The following WASF3 variants were observed in gnomAD, a reference collection of about 807,000 sequenced individuals.
WASF3 encodes actin-binding protein WASF3.
A neutral mutation model predicts 46.6 loss-of-function variants in WASF3; 11 were observed. The observed-to-expected ratio is 0.24, with a 90% CI of 0.15 to 0.39. WASF3 has a LOEUF of 0.39. Ranked by LOEUF, WASF3 falls within the 10% of genes least tolerant of loss-of-function variation. The pLI is 1.00. For synonymous variants in WASF3, 242 were observed against 259.7 expected, an observed-to-expected ratio of 0.93 and a Z score of 0.65; for missense variants, 576 against 669.8, an observed-to-expected ratio of 0.86 and a Z score of 1.55.
chr13:26,566,654 C>T (rs1212755832), intron 1 of WASF3, among the ~76,000 whole-genome samples: 1 of 152,194 alleles, frequency 6.6e-6, no homozygotes, highest in Admixed American at 6.5e-5. Flanking sequence ...GAACTGGGAA[C>T]CTGCTTGGTT....
chr13:26,560,492 A>G (rs1471063153), intron 1 of WASF3, among the ~76,000 whole-genome samples: 1 of 152,186 alleles, frequency 6.6e-6, no homozygotes, highest in African/African-American at 2.4e-5. Flanking sequence ...GATGAAATAT[A>G]TAACCCTGTA....
intron 9 of WASF3, 72 bp downstream of exon 9, chr13:26,683,046 C>T (rs1053533157): frequency 5.2e-6 from 8 of 1,530,730 alleles, no homozygotes; most frequent in East Asian, 2.3e-5. Context: ...CCAGCTACAG[C>T]CTCCTTGTCT....
chr13:26,565,022 A>G (rs540724247), intron 1 of WASF3, among the ~76,000 whole-genome samples: 57 of 147,238 alleles, frequency 3.9e-4, no homozygotes, highest in African/African-American at 1.3e-3. Context: ...GTCTATCCTA[A>G]TGTTAGAATT....
At chr13:26,660,080 A>T (rs556480464) in intron 3 of WASF3, among the ~76,000 whole-genome samples, 1 of 152,178 alleles carries the variant, frequency 6.6e-6, no homozygotes. Flanking sequence ...AAGAGGTTGG[A>T]ATATTTAACA....
In WASF3 at chr13:26,679,622, G is replaced by A. The variant is rs1055879245; in HGVS notation, c.717-1432G>A. Among the ~76,000 whole-genome samples, 3 of 152,202 alleles carry A rather than the reference G, an allele frequency of 2.0e-5. No individual in the cohort carries two copies. Among genetic ancestry groups the A allele is most frequent in the Non-Finnish European group, 2.9e-5 (2 of 68,040 alleles). On this transcript the variant is annotated intron_variant, in intron 7 of 9. Coordinates refer to ENST00000335327, the MANE Select transcript of WASF3 (RefSeq NM_006646.6). The surrounding 1 kb of genome is among the most constrained non-coding windows in gnomAD (Gnocchi z 4.8). ...AGGTTGCACTGTAAGCCAGTGACTC[G>A]TAGTCATGCGCAGAGTCAAGCACAC...
At chr13:26,667,297 CA>C (rs967720441) in intron 4 of WASF3, among the ~76,000 whole-genome samples, 16 of 149,668 alleles carry the variant, frequency 1.1e-4, no homozygotes, top group African/African-American at 2.2e-4. Flanking sequence ...TAGATTACTA[CA>C]AAAAAAAAGC....
intron 3 of WASF3, among the ~76,000 whole-genome samples, chr13:26,657,542 A>C (rs150208723): frequency 5.1e-4 from 77 of 152,356 alleles, no homozygotes; most frequent in African/African-American, 1.8e-3. Flanking sequence ...TAAGACTTAC[A>C]AATAAAGCTA....
At position 26,685,957 on chromosome 13, in the gene WASF3, ATGTGATAT is replaced by A; in HGVS notation, c.*115_*122del. The A allele has an allele frequency of 7.2e-7, 1 of 1,396,436 alleles. No individual in the cohort carries two copies. The highest frequency in any genetic ancestry group is 9.5e-7 in the Non-Finnish European group (1 of 1,047,466). The allele number at this position is 1,396,436 out of a possible 1,614,324, so 86.5% of individuals were successfully genotyped here. A position where few individuals can be genotyped will look rare whatever the true frequency, so the allele number is the denominator to read the frequency against. ...TAGCATAGCACCTTTTGTATAAACA[ATGTGATAT>A]TGCTTCTGCACATCCAAAAATTCTG... On this transcript the variant is annotated 3_prime_UTR_variant, in exon 10 of 10. Coordinates refer to ENST00000335327, the MANE Select transcript of WASF3 (RefSeq NM_006646.6).
intron 3 of WASF3, among the ~76,000 whole-genome samples, chr13:26,650,486 G>T (rs1210752681): frequency 6.6e-6 from 1 of 152,200 alleles, no homozygotes; most frequent in East Asian, 1.9e-4. Context: ...TCAGATATGG[G>T]AGGAGTGTTG....
chr13:26,579,744 C>T (rs1309353601), intron 1 of WASF3, among the ~76,000 whole-genome samples: 1 of 152,002 alleles, frequency 6.6e-6, no homozygotes, highest in African/African-American at 2.4e-5. Context: ...CAGGAAATGG[C>T]GCTCCTGGTG....
chr13:26,578,194 A>T (rs960626486), intron 1 of WASF3, among the ~76,000 whole-genome samples: 11 of 152,280 alleles, frequency 7.2e-5, no homozygotes, highest in Admixed American at 7.2e-4. Flanking sequence ...ATAAGATTAG[A>T]TATTCCTCCC....
chr13:26,676,736 T>A lies in WASF3; in HGVS notation c.716+12T>A. 1.9e-6 allele frequency: 3 copies of A among 1,608,032 alleles called. No homozygotes were observed. The highest frequency in any genetic ancestry group is 2.5e-6 in the Non-Finnish European group (3 of 1,176,934). ...TCCCCAGATACTAGGTGTGTGTGTGTCACTGCTCCCTCAGCCCTGATGCTT... is the reference window on the plus strand; with the variant it reads ...TCCCCAGATACTAGGTGTGTGTGTGACACTGCTCCCTCAGCCCTGATGCTT... On this transcript the variant is annotated intron_variant, in intron 7 of 9. Transcript: ENST00000335327.
intron 3 of WASF3, among the ~76,000 whole-genome samples, chr13:26,658,706 C>T (rs749114450): frequency 2.6e-5 from 4 of 152,176 alleles, no homozygotes; most frequent in Non-Finnish European, 5.9e-5. Flanking sequence ...ACAAGCAGTG[C>T]AGAGGTGAAA....
chr13:26,596,810 T>G (rs1157061687), intron 1 of WASF3, among the ~76,000 whole-genome samples: 3 of 152,218 alleles, frequency 2.0e-5, no homozygotes, highest in Non-Finnish European at 2.9e-5. Flanking sequence ...TTTCCTTGTT[T>G]GTTTTCCATT....
intron 2 of WASF3, among the ~76,000 whole-genome samples, chr13:26,627,413 G>A (rs1259357593): frequency 6.6e-6 from 1 of 152,060 alleles, no homozygotes; most frequent in Admixed American, 6.6e-5. Context: ...ATTTATTGCT[G>A]TGCATGCAAC....
intron 1 of WASF3, among the ~76,000 whole-genome samples, chr13:26,567,703 A>T (rs1348974111): frequency 2.8e-5 from 4 of 144,372 alleles, no homozygotes; most frequent in East Asian, 2.0e-4. Context: ...GACATTAAAA[A>T]AAAAATATAT....
intron 1 of WASF3, among the ~76,000 whole-genome samples, chr13:26,570,266 G>A (rs1879596347): frequency 6.6e-6 from 1 of 152,000 alleles, no homozygotes; most frequent in South Asian, 2.1e-4. Context: ...GCAGCCTGGG[G>A]GACAAGAGCA....
At chr13:26,625,849 G>A (rs1881448620) in intron 2 of WASF3, among the ~76,000 whole-genome samples, 1 of 152,128 alleles carries the variant, frequency 6.6e-6, no homozygotes, top group Non-Finnish European at 1.5e-5. Flanking sequence ...GGTGTGATAA[G>A]CTAAAAATGT....
chr13:26,541,846 G>A, the WASF3 span, among the ~76,000 whole-genome samples: 149 of 152,022 alleles, frequency 9.8e-4, 1 homozygote, highest in African/African-American at 3.4e-3. Context: ...ACCTCTCTTC[G>A]TTAAGCCTCC....
Sources: gnomAD v4.1 joint callset for allele counts (sites outside exome capture counted in the v4.1 genomes callset) on GRCh38, gnomAD v4.1.1 for gene constraint, Gnocchi (gnomAD v3.1) non-coding constraint, MANE v1.5 for transcripts, NCBI Gene and HGNC (gene_info 2026-07-23, HGNC 2026-07-21) for gene names.